Variants in MALRD1 observed in about 807,000 individuals in gnomAD.
MALRD1 encodes MAM and LDL-receptor class A domain-containing protein 1.
A neutral mutation model predicts 242.1 loss-of-function variants in MALRD1; 247 were observed. The ratio of observed to expected loss-of-function variants is 1.02; its 90% confidence interval spans 0.92 to 1.13. MALRD1 has a LOEUF of 1.13. Ranked by LOEUF, MALRD1 falls within the 50% of genes most tolerant of loss-of-function variation. The pLI is 0.00. For synonymous variants in MALRD1, 995 were observed against 866.6 expected (o/e 1.15, Z -2.60); for missense variants, 2,989 against 2,533.1 (o/e 1.18, Z -3.86).
At chr10:19,166,135 A>T (rs956466795) in intron 13 of MALRD1, among the ~76,000 whole-genome samples, 2 of 152,256 alleles carry the variant, frequency 1.3e-5, no homozygotes, top group African/African-American at 2.4e-5. Flanking sequence ...AATGAATAAG[A>T]TGGCAGAGAG....
At chr10:19,145,906 C>G (rs1200983159) in intron 10 of MALRD1, among the ~76,000 whole-genome samples, 1 of 151,950 alleles carries the variant, frequency 6.6e-6, no homozygotes, top group Non-Finnish European at 1.5e-5. Context: ...ATTAGTTACT[C>G]CCTGAGAAGC....
chr10:19,211,581 G>A (rs1012228539), intron 18 of MALRD1, among the ~76,000 whole-genome samples: 1 of 150,152 alleles, frequency 6.7e-6, no homozygotes, highest in South Asian at 2.1e-4. Flanking sequence ...CAGCTACTTG[G>A]GAGGGTGAGG....
At chr10:19,238,486 TATATAATATATA>T (rs71387058) in intron 18 of MALRD1, among the ~76,000 whole-genome samples, 43,301 of 64,896 alleles carry the variant, frequency 0.67, 15,045 homozygotes, top group South Asian at 0.79. Flanking sequence ...ATATACATTA[TATATAATATATA>T]ATATAATATA....
chr10:19,541,183 C>T (rs942419011), intron 32 of MALRD1, among the ~76,000 whole-genome samples: 4 of 152,020 alleles, frequency 2.6e-5, no homozygotes, highest in African/African-American at 7.2e-5. Flanking sequence ...CTAGACTAAC[C>T]GGTTCTCTTT....
At chr10:19,541,387 A>G (rs1244073900) in intron 32 of MALRD1, among the ~76,000 whole-genome samples, 2 of 152,186 alleles carry the variant, frequency 1.3e-5, no homozygotes, top group African/African-American at 2.4e-5. Context: ...CCTAGATTAT[A>G]CCTTAAATCT....
chr10:19,523,936 C>T (rs1293239625), intron 31 of MALRD1, among the ~76,000 whole-genome samples: 4 of 151,970 alleles, frequency 2.6e-5, no homozygotes, highest in African/African-American at 9.7e-5. Context: ...TAATTAGTCT[C>T]AAAAGAGATT....
intron 21 of MALRD1, among the ~76,000 whole-genome samples, chr10:19,288,335 G>A (rs1488432448): frequency 1.3e-5 from 2 of 151,922 alleles, no homozygotes; most frequent in African/African-American, 2.4e-5. Context: ...ATTTTAAAAT[G>A]TACCATTATT....
rs1833711205 is a variant in MALRD1 at position 19,703,504 on chromosome 10, C to T, written c.6314+10950C>T. Among the ~76,000 whole-genome samples, 3 of 152,292 alleles carry T rather than the reference C, an allele frequency of 2.0e-5. No individual in the cohort carries two copies. The South Asian group carries it at 6.2e-4, about 32-fold the overall frequency. The stretch of plus-strand genomic sequence containing the variant: ...AAATACTCCAGATTCTCATTCATGA[C>T]ACCTTCAAGGAAGCAGGAAATACAG... On this transcript the variant is annotated intron_variant, in intron 38 of 39. Coordinates refer to ENST00000454679, the MANE Select transcript of MALRD1 (RefSeq NM_001142308.3).
At position 19,203,728 on chromosome 10, in the gene MALRD1, T is replaced by G; in HGVS notation, c.1952T>G (p.Phe651Cys). Residue 651 changes from phenylalanine to cysteine, a missense_variant and splice_region_variant, in exon 15 of 40, where the codon TTT (phenylalanine) becomes TGT (cysteine). Transcript: ENST00000454679. Reference protein sequence around the residue: ...SLPRTSTQSKFSKCDFEANSC... With the variant: ...SLPRTSTQSKCSKCDFEANSC... ...TAAGAGCCACATTTTTGTTCTTCAG[T>G]TTCCAAGTGTGACTTTGAAGCAAAC... is the stretch of plus-strand genomic sequence containing the variant. 4 of 1,528,458 alleles carry G rather than the reference T, an allele frequency of 2.6e-6. No individual in the cohort carries two copies. In the South Asian group the frequency reaches 4.9e-5, roughly 19 times the overall value. 94.7% of individuals were successfully genotyped at this position (1,528,458 alleles called of 1,614,324 possible).
At chr10:19,643,012 C>T (rs1456739786) in intron 36 of MALRD1, among the ~76,000 whole-genome samples, 4 of 152,160 alleles carry the variant, frequency 2.6e-5, no homozygotes, top group Non-Finnish European at 4.4e-5. Context: ...TTAGTTTGAA[C>T]GTTGCCATCT....
intron 14 of MALRD1, among the ~76,000 whole-genome samples, chr10:19,178,499 T>G (rs982370142): frequency 6.6e-6 from 1 of 151,984 alleles, no homozygotes; most frequent in Admixed American, 6.5e-5. Context: ...CTTGAAGTTT[T>G]GAAATCTTTA....
At chr10:19,453,673 C>T (rs1835448773) in intron 29 of MALRD1, among the ~76,000 whole-genome samples, 1 of 151,598 alleles carries the variant, frequency 6.6e-6, no homozygotes, top group Admixed American at 6.6e-5. Flanking sequence ...GCCAGGAGTT[C>T]GAGACCAGCC....
At chr10:19,704,787 A>G (rs1029345008) in intron 38 of MALRD1, among the ~76,000 whole-genome samples, 2 of 152,204 alleles carry the variant, frequency 1.3e-5, no homozygotes, top group Non-Finnish European at 2.9e-5. Context: ...GTAAACCAAA[A>G]TACTTTGGTG....
At chr10:19,099,532 A>G (rs1465592932) in intron 4 of MALRD1, among the ~76,000 whole-genome samples, 1 of 152,110 alleles carries the variant, frequency 6.6e-6, no homozygotes, top group African/African-American at 2.4e-5. Context: ...TCTGTGGTAT[A>G]GGAACTCCAT....
At position 19,501,170 on chromosome 10, in the gene MALRD1, G is replaced by T. The variant is rs185459042; in HGVS notation, c.5320+2524G>T. Among the ~76,000 whole-genome samples the T allele has an allele frequency of 2.0e-5, 3 of 152,220 alleles. No individual in the cohort carries two copies. In the East Asian group the frequency reaches 5.8e-4, roughly 29 times the overall value. The stretch of plus-strand genomic sequence containing the variant: ...AGGAAGTGACCTGTGGTTACCTAAG[G>T]AAAGAATGTTCCAGAGCTAGATCAG... On this transcript the variant is annotated intron_variant, in intron 31 of 39. Coordinates refer to ENST00000454679, the MANE Select transcript of MALRD1 (RefSeq NM_001142308.3).
chr10:19,227,909 ATT>A (rs1564482115), intron 18 of MALRD1, among the ~76,000 whole-genome samples: 1 of 152,200 alleles, frequency 6.6e-6, no homozygotes, highest in Non-Finnish European at 1.5e-5. Context: ...TTAAAACCAC[ATT>A]GAGATACCAC....
At chr10:19,734,083 T>G in intron 39 of MALRD1, 74 bp from the exon 40 acceptor site, 1 of 1,180,090 alleles carries the variant, frequency 8.5e-7, no homozygotes, top group Non-Finnish European at 1.2e-6. Flanking sequence ...TGCTGCATTC[T>G]GCGTGATCTT....
intron 34 of MALRD1, among the ~76,000 whole-genome samples, chr10:19,603,820 C>T (rs1589295439): frequency 6.6e-6 from 1 of 152,068 alleles, no homozygotes; most frequent in Admixed American, 6.6e-5. Flanking sequence ...TTTGATGTTA[C>T]TACTGTAATT....
At chr10:19,621,224 C>G (rs1467749509) in intron 36 of MALRD1, among the ~76,000 whole-genome samples, 1 of 151,112 alleles carries the variant, frequency 6.6e-6, no homozygotes, top group Non-Finnish European at 1.5e-5. Flanking sequence ...TAAAATACAT[C>G]AAGACCTTGA....
Sources: gnomAD v4.1 joint callset for allele counts (sites outside exome capture counted in the v4.1 genomes callset) on GRCh38, gnomAD v4.1.1 for gene constraint, MANE v1.5 for transcripts, NCBI Gene and HGNC (gene_info 2026-07-23, HGNC 2026-07-21) for gene names.